Variants in ZNF407 observed in about 807,000 individuals in gnomAD.
ZNF407 encodes the protein zinc finger protein 407.
Under a neutral mutation model 131.2 loss-of-function variants are expected in ZNF407, and 17 were observed. That is an observed-to-expected ratio of 0.13 (90% CI 0.09 to 0.19). ZNF407 has a LOEUF of 0.19. Ranked by LOEUF, ZNF407 falls within the 10% of genes least tolerant of loss-of-function variation. ZNF407 has a pLI of 1.00. For missense variants in ZNF407, 2,681 were observed against 2,830.6 expected (o/e 0.95, Z 1.20); for synonymous variants, 1,156 against 1,062.0 (o/e 1.09, Z -1.72).
chr18:74,841,405 C>T (rs780267095), intron 4 of ZNF407, among the ~76,000 whole-genome samples: 1 of 152,182 alleles, frequency 6.6e-6, no homozygotes, highest in African/African-American at 2.4e-5. Context: ...CTCACCGCTT[C>T]CCTTCTCAGT....
chr18:74,993,215 G>T (rs539420420), intron 8 of ZNF407, among the ~76,000 whole-genome samples: 2 of 152,302 alleles, frequency 1.3e-5, no homozygotes, highest in Non-Finnish European at 2.9e-5. Context: ...AGTTCTATAT[G>T]TTTATAATAG....
At chr18:74,999,345 TAATAAAA>T (rs1317765555) in intron 8 of ZNF407, among the ~76,000 whole-genome samples, 1 of 47,722 alleles carries the variant, frequency 2.1e-5, no homozygotes, top group East Asian at 6.7e-4. Flanking sequence ...ACTTAGAGTA[TAATAAAA>T]AAAAAAAAAA....
chr18:74,995,021 A>T (rs966700073), intron 8 of ZNF407, among the ~76,000 whole-genome samples: 2 of 152,188 alleles, frequency 1.3e-5, no homozygotes, highest in Non-Finnish European at 2.9e-5. Flanking sequence ...GCAGGCTAGA[A>T]ATCTTTACTC....
At chr18:74,864,682 G>T (rs17055780) in intron 4 of ZNF407, among the ~76,000 whole-genome samples, 49,828 of 151,998 alleles carry the variant, frequency 0.33, 8,472 homozygotes, top group South Asian at 0.41. Flanking sequence ...GCATTATTTC[G>T]AATTATTTAG....
chr18:74,631,985 T>C lies in ZNF407; in HGVS notation c.966T>C (p.Asn322=), dbSNP rs758102217. The C allele has an allele frequency of 6.2e-7, 1 of 1,613,992 alleles. No homozygotes were observed. Among genetic ancestry groups the C allele is most frequent in the Non-Finnish European group, 8.5e-7 (1 of 1,179,900 alleles). The part of the protein sequence containing the change: ...AKNSDSKGLR[N]VGSTFKDFRG... ...ATAGTGATTCAAAAGGATTACGAAATGTGGGAAGCACGTTTAAAGATTTCA... is the reference window on the plus strand; with the variant it reads ...ATAGTGATTCAAAAGGATTACGAAACGTGGGAAGCACGTTTAAAGATTTCA... The change falls in exon 2 of 9, where the codon AAT becomes AAC. Residue 322 remains asparagine, a synonymous_variant. Coordinates refer to ENST00000299687, the MANE Select transcript of ZNF407 (RefSeq NM_017757.3).
At chr18:74,999,775 A>G (rs552079229) in intron 8 of ZNF407, among the ~76,000 whole-genome samples, 4 of 152,326 alleles carry the variant, frequency 2.6e-5, no homozygotes, top group African/African-American at 7.2e-5. Context: ...GGCCTGATCA[A>G]TGTAGCCAAG....
chr18:74,962,405 A>C (rs1274039715), intron 8 of ZNF407, among the ~76,000 whole-genome samples: 1 of 152,232 alleles, frequency 6.6e-6, no homozygotes, highest in East Asian at 1.9e-4. Context: ...ATGCATACTG[A>C]CATGGCGTGG....
At chr18:74,830,423 C>T (rs1970466719) in intron 4 of ZNF407, among the ~76,000 whole-genome samples, 1 of 152,112 alleles carries the variant, frequency 6.6e-6, no homozygotes, top group African/African-American at 2.4e-5. Context: ...GCTGTGACTA[C>T]AGGACCACGC....
chr18:74,920,736 A>G (rs1391098141), intron 8 of ZNF407, 44 bp downstream of exon 8: 1 of 1,563,124 alleles, frequency 6.4e-7, no homozygotes, highest in Non-Finnish European at 8.7e-7. Context: ...ACAGGATTTC[A>G]TGTGATCACA....
intron 3 of ZNF407, among the ~76,000 whole-genome samples, chr18:74,645,637 TTGTGTG>T (rs35047949): frequency 0.019 from 2,686 of 145,154 alleles, 50 homozygotes; most frequent in African/African-American, 0.047. Context: ...GTAAAACTCT[TTGTGTG>T]TGTGTGTGTG....
At chr18:74,653,389 A>G (rs1378366264) in intron 3 of ZNF407, among the ~76,000 whole-genome samples, 1 of 151,892 alleles carries the variant, frequency 6.6e-6, no homozygotes, top group East Asian at 1.9e-4. Flanking sequence ...TGAAGTTAGT[A>G]ATAGTAACTT....
At chr18:74,720,317 G>A (rs1435385688) in intron 3 of ZNF407, among the ~76,000 whole-genome samples, 1 of 150,192 alleles carries the variant, frequency 6.7e-6, no homozygotes, top group Non-Finnish European at 1.5e-5. Flanking sequence ...TAAAATGTCT[G>A]TTCAGATCAT....
At chr18:74,768,069 CA>C (rs2144992378) in intron 3 of ZNF407, among the ~76,000 whole-genome samples, 1 of 152,106 alleles carries the variant, frequency 6.6e-6, no homozygotes, top group Admixed American at 6.5e-5. Context: ...ACATAAATTA[CA>C]ACTTGAATAT....
intron 7 of ZNF407, among the ~76,000 whole-genome samples, chr18:74,908,845 T>G (rs1309328785): frequency 6.6e-6 from 1 of 152,154 alleles, no homozygotes; most frequent in Non-Finnish European, 1.5e-5. Context: ...GAGGCTTATA[T>G]TCCCCTCTAC....
chr18:74,796,505 A>T (rs1234218386), intron 4 of ZNF407, among the ~76,000 whole-genome samples: 1 of 152,210 alleles, frequency 6.6e-6, no homozygotes, highest in Non-Finnish European at 1.5e-5. Flanking sequence ...AAGTATGTTC[A>T]GTATAGTAAT....
intron 3 of ZNF407, among the ~76,000 whole-genome samples, chr18:74,676,686 G>A (rs988933464): frequency 1.3e-4 from 20 of 151,628 alleles, no homozygotes; most frequent in East Asian, 2.0e-4. Flanking sequence ...TGCCCGCCTT[G>A]GCCTCCCAGA....
chr18:74,839,096 T>C (rs968550204), intron 4 of ZNF407, among the ~76,000 whole-genome samples: 2 of 152,076 alleles, frequency 1.3e-5, no homozygotes, highest in African/African-American at 4.8e-5. Flanking sequence ...TGTTTATCTA[T>C]TGTATTTATA....
At chr18:74,787,623 G>A (rs867061669) in intron 4 of ZNF407, among the ~76,000 whole-genome samples, 2 of 152,138 alleles carry the variant, frequency 1.3e-5, no homozygotes, top group South Asian at 2.1e-4. Flanking sequence ...CATCAAATGC[G>A]ACATCAAATA....
chr18:74,852,693 T>TG (rs374035536), intron 4 of ZNF407, among the ~76,000 whole-genome samples: 7 of 152,266 alleles, frequency 4.6e-5, no homozygotes, highest in African/African-American at 1.2e-4. Context: ...AAGAAGGAAG[T>TG]GAGCTTGGGT....
Sources: gnomAD v4.1 joint callset for allele counts (sites outside exome capture counted in the v4.1 genomes callset) on GRCh38, gnomAD v4.1.1 for gene constraint, MANE v1.5 for transcripts, NCBI Gene and HGNC (gene_info 2026-07-23, HGNC 2026-07-21) for gene names.